BHLHE22: variants seen among roughly 807,000 people sequenced by gnomAD.
BHLHE22 encodes basic helix-loop-helix family member e22, also known as class E basic helix-loop-helix protein 22.
BHLHE22 carries 8 observed loss-of-function variants against 17.6 expected under a neutral mutation model. The ratio of observed to expected loss-of-function variants is 0.45; its 90% CI spans 0.27 to 0.82. BHLHE22 has a LOEUF of 0.82. BHLHE22 is among the 40% of genes least tolerant of loss of function. BHLHE22 has a pLI of 0.16. For synonymous variants in BHLHE22, 353 were observed against 282.7 expected (o/e 1.25, Z -2.49); for missense variants, 570 against 581.5 (o/e 0.98, Z 0.20).
rs868498439 is a variant in BHLHE22 at position 64,581,163 on chromosome 8, C to A, written c.373C>A (p.Leu125Ile). ...AAGCAGCCTGCCGGCCGGGGCCGCC[C>A]TTTGCCTCAAGTACGGCGAAAGCGC... ...SLSSLPAGAA[L>I]CLKYGESASR... Residue 125 changes from leucine (L) to isoleucine (I), a missense_variant, in exon 1 of 1, where the codon CTT (leucine) becomes ATT (isoleucine). Transcript: ENST00000321870. The surrounding 1 kb of genome is among the most constrained non-coding windows in gnomAD (Gnocchi z 6.4). The A allele has an allele frequency of 7.0e-7, 1 of 1,420,446 alleles. No homozygotes were observed. Among genetic ancestry groups the A allele is most frequent in the East Asian group, 2.8e-5 (1 of 35,698 alleles). 88.0% of individuals were successfully genotyped at this position (1,420,446 alleles called of 1,614,324 possible).
In BHLHE22 at chr8:64,583,335, G is replaced by C. The variant is rs1804931519; in HGVS notation, c.*1399G>C. On this transcript the variant is annotated 3_prime_UTR_variant, in exon 1 of 1. Transcript: ENST00000321870. The stretch of plus-strand genomic sequence containing the variant: ...ACAAGAAGCTATTTACCCAAAGTGA[G>C]CTTTCAGTTTTAGTTTTGCATGGCT... 6.0e-6 allele frequency: 1 copy of C among 167,072 alleles called. No homozygotes were observed. The highest frequency in any genetic ancestry group is 6.5e-5 in the Admixed American group (1 of 15,286). 10.3% of individuals were successfully genotyped at this position (167,072 alleles called of 1,614,324 possible). A position where few individuals can be genotyped will look rare whatever the true frequency, so the allele number is the denominator to read the frequency against.
Position 64,581,460 on chromosome 8 carries a change from G to GGCGGCA in BHLHE22, c.673_678dup (p.Gly225_Ser226dup), listed in dbSNP as rs1554581644. 1 of 1,530,778 alleles carries GGCGGCA rather than the reference G, an allele frequency of 6.5e-7. No individual in the cohort carries two copies. The highest frequency in any genetic ancestry group is 8.8e-7 in the Non-Finnish European group (1 of 1,140,516). 94.8% of individuals were successfully genotyped at this position (1,530,778 alleles called of 1,614,324 possible). On this transcript the variant is annotated inframe_insertion, in exon 1 of 1. Transcript: ENST00000321870. This position sits in a 1 kb window ranked among gnomAD's most constrained non-coding sequence, Gnocchi z 6.4. The stretch of plus-strand genomic sequence containing the variant: ...CGGTGGCGGTAGCGGTAGCGGCAGC[G>GGCGGCA]GCGGCAGCAGCAGCAGCAGCAGCAG...
Position 64,580,872 on chromosome 8 carries a change from TC to T in BHLHE22, c.84del (p.Lys29SerfsTer76). ...GCACAAGAGCCTGAGCGCCTCCACCTCCAAGCGCTTGGAAGCGGCTTTCCGC... is the reference window on the plus strand; with the variant it reads ...GCACAAGAGCCTGAGCGCCTCCACCTCAAGCGCTTGGAAGCGGCTTTCCGC... The part of the protein sequence containing the change: ...FLHKSLSAST[S>X]KRLEAAFRST... On this transcript the variant is annotated frameshift_variant, in exon 1 of 1. Transcript: ENST00000321870. LOFTEE classifies it high-confidence loss of function. 6.6e-7 allele frequency: 1 copy of T among 1,513,998 alleles called. No homozygotes were observed. The highest frequency in any genetic ancestry group is 1.2e-5 in the South Asian group (1 of 80,358). 93.8% of individuals were successfully genotyped at this position (1,513,998 alleles called of 1,614,324 possible).
At position 64,581,069 on chromosome 8, in the gene BHLHE22, C is replaced by T; in HGVS notation, c.279C>T (p.Gly93=). Residue 93 remains glycine (G), a synonymous_variant, in exon 1 of 1, where the codon GGC becomes GGT. Transcript: ENST00000321870. The surrounding 1 kb of genome is among the most constrained non-coding windows in gnomAD (Gnocchi z 6.4). ...GGGGSAGSGG[G]GGGGVGVPGL... ...GCGGCAGCGCGGGAAGTGGCGGCGG[C>T]GGCGGCGGCGGGGTGGGTGTCCCCG... 2 of 1,323,256 alleles carry T rather than the reference C, an allele frequency of 1.5e-6. No individual in the cohort carries two copies. Among genetic ancestry groups the T allele is most frequent in the Non-Finnish European group, 1.9e-6 (2 of 1,046,362 alleles). The allele number at this position is 1,323,256 out of a possible 1,614,324, so 82.0% of individuals were successfully genotyped here.
chr8:64,580,955 G>C lies in BHLHE22; in HGVS notation c.165G>C (p.Ala55=). Residue 55 remains alanine (A), a synonymous_variant, in exon 1 of 1, where the codon GCG becomes GCC. Transcript: ENST00000321870. The part of the protein sequence containing the change: ...SLAPPPRERP[A]SSSSSPLGCF... ...CGCCGCCGCCTCGGGAACGCCCGGC[G>C]TCCTCCTCCTCGTCGCCCCTGGGCT... The C allele has an allele frequency of 6.9e-7, 1 of 1,450,230 alleles. No individual in the cohort carries two copies. The highest frequency in any genetic ancestry group is 9.0e-7 in the Non-Finnish European group (1 of 1,107,080). The allele number at this position is 1,450,230 out of a possible 1,614,324, so 89.8% of individuals were successfully genotyped here. A position where few individuals can be genotyped will look rare whatever the true frequency, so the allele number is the denominator to read the frequency against.
In BHLHE22 at chr8:64,581,204, G is replaced by A; in HGVS notation, c.414G>A (p.Val138=). 6.9e-7 allele frequency: 1 copy of A among 1,446,018 alleles called. No homozygotes were observed. The highest frequency in any genetic ancestry group is 9.0e-7 in the Non-Finnish European group (1 of 1,111,452). 89.6% of individuals were successfully genotyped at this position (1,446,018 alleles called of 1,614,324 possible). The change falls in exon 1 of 1, where the codon GTG becomes GTA. Residue 138 remains valine (V), a synonymous_variant. Transcript: ENST00000321870. This position sits in a 1 kb window ranked among gnomAD's most constrained non-coding sequence, Gnocchi z 6.4. ...GCGAAAGCGCGAGCCGGGGCTCGGT[G>A]GCCGAGAGCAGCGGCGGCGAGCAGA... is the stretch of plus-strand genomic sequence containing the variant. ...KYGESASRGS[V]AESSGGEQSP...
In BHLHE22 at chr8:64,581,390, G is replaced by A. The variant is rs568684347; in HGVS notation, c.600G>A (p.Leu200=). The change falls in exon 1 of 1, where the codon CTG becomes CTA. Residue 200 remains leucine (L), a synonymous_variant. Coordinates refer to ENST00000321870, the MANE Select transcript of BHLHE22 (RefSeq NM_152414.5). This position sits in a 1 kb window ranked among gnomAD's most constrained non-coding sequence, Gnocchi z 6.4. ...GCGCCAGCGTCCCCCCGGGGGGCCT[G>A]GGCGGCGGCGGCGGCGGGGGTAGCA... The part of the protein sequence containing the change: ...HGGASVPPGG[L]GGGGGGGSSS... 1.8e-5 allele frequency: 27 copies of A among 1,515,388 alleles called. No homozygotes were observed. The South Asian group carries it at 3.0e-4, about 17-fold the overall frequency. 93.9% of individuals were successfully genotyped at this position (1,515,388 alleles called of 1,614,324 possible).
Position 64,581,632 on chromosome 8 carries a change from C to T in BHLHE22, c.842C>T (p.Ser281Phe). Residue 281 changes from serine (S) to phenylalanine (F), a missense_variant, in exon 1 of 1, where the codon TCC becomes TTC. Ser to Phe is a radical substitution (Grantham distance 155). This residue lies in a region of BHLHE22 where 32 missense variants were observed against 83.3 expected (regional missense o/e 0.38). Coordinates refer to ENST00000321870, the MANE Select transcript of BHLHE22 (RefSeq NM_152414.5). The surrounding 1 kb of genome is among the most constrained non-coding windows in gnomAD (Gnocchi z 6.4). ...CACAGCCCCTCGGTGCGAAAGCTCT[C>T]CAAGATCGCCACGCTGCTGCTCGCC... is the stretch of plus-strand genomic sequence containing the variant. ...YAHSPSVRKLSKIATLLLAKN... is the reference protein window; with the variant it reads ...YAHSPSVRKLFKIATLLLAKN... 6.2e-7 allele frequency: 1 copy of T among 1,613,312 alleles called. No individual in the cohort carries two copies. Among genetic ancestry groups the T allele is most frequent in the Non-Finnish European group, 8.5e-7 (1 of 1,179,884 alleles).
Position 64,581,113 on chromosome 8 carries a change from C to A in BHLHE22, c.323C>A (p.Ala108Asp). ...VGVPGLLVGS[A>D]GVGGDPSLSS... ...GTCCCCGGGCTGCTAGTAGGTTCAG[C>A]CGGCGTTGGGGGCGACCCTAGCCTA... Residue 108 changes from alanine to aspartate, a missense_variant, in exon 1 of 1, where the codon GCC becomes GAC. Around this residue, in one of 3 missense-constraint regions of BHLHE22, gnomAD observed 427 missense variants for 376.2 expected, o/e 1.14. Coordinates refer to ENST00000321870, the MANE Select transcript of BHLHE22 (RefSeq NM_152414.5). This position sits in a 1 kb window ranked among gnomAD's most constrained non-coding sequence, Gnocchi z 6.4. The A allele has an allele frequency of 7.3e-7, 1 of 1,362,074 alleles. No homozygotes were observed. Among genetic ancestry groups the A allele is most frequent in the South Asian group, 1.9e-5 (1 of 51,952 alleles). The allele number at this position is 1,362,074 out of a possible 1,614,324, so 84.4% of individuals were successfully genotyped here.
In BHLHE22 at chr8:64,580,790, C is replaced by G. The variant is rs1804877253; in HGVS notation, c.-1C>G. 7.3e-7 allele frequency: 1 copy of G among 1,361,792 alleles called. No individual in the cohort carries two copies. Among genetic ancestry groups the G allele is most frequent in the Non-Finnish European group, 9.5e-7 (1 of 1,056,582 alleles). The allele number at this position is 1,361,792 out of a possible 1,614,324, so 84.4% of individuals were successfully genotyped here. ...CCCGGGCTGCGCGCCGGCGCGGGAC[C>G]ATGGAGCGCGGGATGCACCTCGGTG... On this transcript the variant is annotated 5_prime_UTR_variant, in exon 1 of 1. Transcript: ENST00000321870.
rs1804898210 is a variant in BHLHE22 at position 64,581,450 on chromosome 8, T to TAGCGGCAGC, written c.661_669dup (p.Ser221_Ser223dup). 6.6e-7 allele frequency: 1 copy of TAGCGGCAGC among 1,524,956 alleles called. No homozygotes were observed. Among genetic ancestry groups the TAGCGGCAGC allele is most frequent in the African/African-American group, 1.4e-5 (1 of 71,860 alleles). 94.5% of individuals were successfully genotyped at this position (1,524,956 alleles called of 1,614,324 possible). A position where few individuals can be genotyped will look rare whatever the true frequency, so the allele number is the denominator to read the frequency against. On this transcript the variant is annotated inframe_insertion, in exon 1 of 1. Transcript: ENST00000321870. This position sits in a 1 kb window ranked among gnomAD's most constrained non-coding sequence, Gnocchi z 6.4. ...GCAGTGGCGGCGGTGGCGGTAGCGG[T>TAGCGGCAGC]AGCGGCAGCGGCGGCAGCAGCAGCA...
Position 64,581,235 on chromosome 8 carries a change from G to A in BHLHE22, c.445G>A (p.Asp149Asn), listed in dbSNP as rs777155970. 2 of 1,454,238 alleles carry A rather than the reference G, an allele frequency of 1.4e-6. No individual in the cohort carries two copies. Among genetic ancestry groups the A allele is most frequent in the South Asian group, 2.8e-5 (2 of 70,232 alleles). 90.1% of individuals were successfully genotyped at this position (1,454,238 alleles called of 1,614,324 possible). A position where few individuals can be genotyped will look rare whatever the true frequency, so the allele number is the denominator to read the frequency against. ...GAGCAGCGGCGGCGAGCAGAGCCCC[G>A]ACGACGACAGCGACGGTCGCTGCGA... ...AESSGGEQSPDDDSDGRCELV... is the reference protein window; with the variant it reads ...AESSGGEQSPNDDSDGRCELV... Residue 149 changes from aspartate (D) to asparagine (N), a missense_variant, in exon 1 of 1, where the codon GAC (aspartate) becomes AAC (asparagine). This residue lies in a region of BHLHE22 where 427 missense variants were observed against 376.2 expected (regional missense o/e 1.14). Coordinates refer to ENST00000321870, the MANE Select transcript of BHLHE22 (RefSeq NM_152414.5). This position sits in a 1 kb window ranked among gnomAD's most constrained non-coding sequence, Gnocchi z 6.4.
At position 64,581,196 on chromosome 8, in the gene BHLHE22, G is replaced by T; in HGVS notation, c.406G>T (p.Gly136Cys). 6.9e-7 allele frequency: 1 copy of T among 1,440,706 alleles called. No individual in the cohort carries two copies. The highest frequency in any genetic ancestry group is 9.0e-7 in the Non-Finnish European group (1 of 1,108,646). 89.2% of individuals were successfully genotyped at this position (1,440,706 alleles called of 1,614,324 possible). Residue 136 changes from glycine (G) to cysteine (C), a missense_variant, in exon 1 of 1, where the codon GGC becomes TGC. Coordinates refer to ENST00000321870, the MANE Select transcript of BHLHE22 (RefSeq NM_152414.5). The surrounding 1 kb of genome is among the most constrained non-coding windows in gnomAD (Gnocchi z 6.4). The part of the protein sequence containing the change: ...CLKYGESASR[G>C]SVAESSGGEQ... ...CAAGTACGGCGAAAGCGCGAGCCGG[G>T]GCTCGGTGGCCGAGAGCAGCGGCGG...
chr8:64,580,907 C>T lies in BHLHE22; in HGVS notation c.117C>T (p.Pro39=). 5 of 1,523,498 alleles carry T rather than the reference C, an allele frequency of 3.3e-6. No homozygotes were observed. The highest frequency in any genetic ancestry group is 4.4e-6 in the Non-Finnish European group (5 of 1,145,846). 94.4% of individuals were successfully genotyped at this position (1,523,498 alleles called of 1,614,324 possible). A position where few individuals can be genotyped will look rare whatever the true frequency, so the allele number is the denominator to read the frequency against. ...KRLEAAFRST[P]PGMDLSLAPP... is the part of the protein sequence containing the mutation. ...TGGAAGCGGCTTTCCGCTCCACGCCCCCGGGCATGGACCTGTCCCTGGCGC... is the reference window on the plus strand; with the variant it reads ...TGGAAGCGGCTTTCCGCTCCACGCCTCCGGGCATGGACCTGTCCCTGGCGC... The change falls in exon 1 of 1, where the codon CCC becomes CCT. Residue 39 remains proline, a synonymous_variant. Coordinates refer to ENST00000321870, the MANE Select transcript of BHLHE22 (RefSeq NM_152414.5).
At position 64,581,268 on chromosome 8, in the gene BHLHE22, C is replaced by A; in HGVS notation, c.478C>A (p.Leu160Met). 6.9e-7 allele frequency: 1 copy of A among 1,446,304 alleles called. No homozygotes were observed. The highest frequency in any genetic ancestry group is 9.0e-7 in the Non-Finnish European group (1 of 1,112,320). The allele number at this position is 1,446,304 out of a possible 1,614,324, so 89.6% of individuals were successfully genotyped here. Residue 160 changes from leucine to methionine, a missense_variant, in exon 1 of 1, where the codon CTG (leucine) becomes ATG (methionine). Transcript: ENST00000321870. The surrounding 1 kb of genome is among the most constrained non-coding windows in gnomAD (Gnocchi z 6.4). Reference protein sequence around the residue: ...DDSDGRCELVLRAGVADPRAS... With the variant: ...DDSDGRCELVMRAGVADPRAS... ...CAGCGACGGTCGCTGCGAGCTCGTG[C>A]TGCGGGCCGGAGTAGCCGACCCGCG...
chr8:64,581,951 A>G lies in BHLHE22; in HGVS notation c.*15A>G. On this transcript the variant is annotated 3_prime_UTR_variant, in exon 1 of 1. Coordinates refer to ENST00000321870, the MANE Select transcript of BHLHE22 (RefSeq NM_152414.5). This position sits in a 1 kb window ranked among gnomAD's most constrained non-coding sequence, Gnocchi z 6.4. ...AGAAGCCTTAAACACACCCCCGAAAAACACAAGACCGACCCAAAATCTAGA... is the reference window on the plus strand; with the variant it reads ...AGAAGCCTTAAACACACCCCCGAAAGACACAAGACCGACCCAAAATCTAGA... 6.2e-7 allele frequency: 1 copy of G among 1,610,150 alleles called. No individual in the cohort carries two copies. The highest frequency in any genetic ancestry group is 2.2e-5 in the East Asian group (1 of 44,748).
In BHLHE22 at chr8:64,581,351, C is replaced by T. The variant is rs780162393; in HGVS notation, c.561C>T (p.Ala187=). ...AGGCAGCCGAGGGCTGCTCCAATGC[C>T]CACCTCCACGGCGGCGCCAGCGTCC... ...GAKAAEGCSN[A]HLHGGASVPP... The change falls in exon 1 of 1, where the codon GCC becomes GCT. Residue 187 remains alanine, a synonymous_variant. Transcript: ENST00000321870. This position sits in a 1 kb window ranked among gnomAD's most constrained non-coding sequence, Gnocchi z 6.4. 1.2e-4 allele frequency: 174 copies of T among 1,468,382 alleles called. No homozygotes were observed. Among genetic ancestry groups the T allele is most frequent in the Non-Finnish European group, 1.5e-4 (170 of 1,122,326 alleles). The allele number at this position is 1,468,382 out of a possible 1,614,324, so 91.0% of individuals were successfully genotyped here.
Position 64,581,216 on chromosome 8 carries a change from C to T in BHLHE22, c.426C>T (p.Ser142=). The T allele has an allele frequency of 6.9e-6, 10 of 1,453,516 alleles. No homozygotes were observed. The highest frequency in any genetic ancestry group is 2.7e-5 in the Admixed American group (1 of 36,662). 90.0% of individuals were successfully genotyped at this position (1,453,516 alleles called of 1,614,324 possible). A position where few individuals can be genotyped will look rare whatever the true frequency, so the allele number is the denominator to read the frequency against. Residue 142 remains serine, a synonymous_variant, in exon 1 of 1, where the codon AGC becomes AGT. Transcript: ENST00000321870. This position sits in a 1 kb window ranked among gnomAD's most constrained non-coding sequence, Gnocchi z 6.4. ...SASRGSVAES[S]GGEQSPDDDS... ...GCCGGGGCTCGGTGGCCGAGAGCAG[C>T]GGCGGCGAGCAGAGCCCCGACGACG...
At position 64,580,812 on chromosome 8, in the gene BHLHE22, G is replaced by C. The variant is rs750447658; in HGVS notation, c.22G>C (p.Gly8Arg). The change falls in exon 1 of 1, where the codon GGT (glycine) becomes CGT (arginine). Residue 8 changes from glycine to arginine, a missense_variant. Physicochemically the swap from Gly to Arg is moderately radical, Grantham distance 125. Coordinates refer to ENST00000321870, the MANE Select transcript of BHLHE22 (RefSeq NM_152414.5). The stretch of plus-strand genomic sequence containing the variant: ...GACCATGGAGCGCGGGATGCACCTC[G>C]GTGCAGCGGCCGCCGGCGAGGACGA... Reference protein sequence around the residue: MERGMHLGAAAAGEDDLF... With the variant: MERGMHLRAAAAGEDDLF... 9 of 1,424,080 alleles carry C rather than the reference G, an allele frequency of 6.3e-6. No homozygotes were observed. Among genetic ancestry groups the C allele is most frequent in the African/African-American group, 3.0e-5 (2 of 66,892 alleles). The allele number at this position is 1,424,080 out of a possible 1,614,324, so 88.2% of individuals were successfully genotyped here.
Sources: allele counts gnomAD v4.1 joint callset, GRCh38; gene constraint gnomAD v4.1.1; regional missense constraint gnomAD v4.1.1; non-coding constraint Gnocchi (gnomAD v3.1); transcripts MANE v1.5; gene names NCBI Gene and HGNC (gene_info 2026-07-23, HGNC 2026-07-21).